The following ATAD1 variants were observed in gnomAD, a reference collection of about 807,000 sequenced individuals.
ATAD1 encodes ATPase family AAA domain containing 1, also known as outer mitochondrial transmembrane helix translocase.
ATAD1 carries 18 observed loss-of-function variants against 42.7 expected under a neutral mutation model. The observed-to-expected ratio is 0.42, with a 90% confidence interval of 0.29 to 0.63. ATAD1 has a LOEUF of 0.63. Ranked by LOEUF, ATAD1 falls within the 20% of genes least tolerant of loss-of-function variation. ATAD1 has a pLI of 0.19. For missense variants in ATAD1, 294 were observed against 440.4 expected (o/e 0.67, Z 2.98); for synonymous variants, 132 against 143.1 (o/e 0.92, Z 0.55).
intron 1 of ATAD1, among the ~76,000 whole-genome samples, chr10:87,817,109 C>T (rs1280342660): frequency 6.6e-6 from 1 of 152,158 alleles, no homozygotes; most frequent in Non-Finnish European, 1.5e-5. Flanking sequence ...TAGTAGTCTA[C>T]CTTTTTAAAT....
intron 2 of ATAD1, among the ~76,000 whole-genome samples, chr10:87,808,252 A>T (rs949346298): frequency 1.3e-5 from 2 of 151,960 alleles, no homozygotes; most frequent in African/African-American, 4.8e-5. Flanking sequence ...TTTTTGACTT[A>T]GGCAGTGGCT....
upstream of ATAD1, chr10:87,819,285 A>AAAAAAC (rs1857576735): frequency 1.3e-5 from 2 of 150,630 alleles, no homozygotes. Flanking sequence ...AAAAAAAAAA[A>AAAAAAC]AAAAAACCAC....
chr10:87,753,446 A>G lies in ATAD1; in HGVS notation c.*1241T>C, dbSNP rs758503137. 1 of 152,226 alleles carries G rather than the reference A, an allele frequency of 6.6e-6. No individual in the cohort carries two copies. Among genetic ancestry groups the G allele is most frequent in the Non-Finnish European group, 1.5e-5 (1 of 68,028 alleles). 9.4% of individuals were successfully genotyped at this position (152,226 alleles called of 1,614,324 possible). On this transcript the variant is annotated 3_prime_UTR_variant, in exon 10 of 10. Coordinates refer to ENST00000680024, the MANE Select transcript of ATAD1 (RefSeq NM_001321967.2). ...GCATAATTTAATCTGATGATTCAGAAGGCACCTCAAGATTGTGTTGTGCCG... is the reference window on the plus strand; with the variant it reads ...GCATAATTTAATCTGATGATTCAGAGGGCACCTCAAGATTGTGTTGTGCCG...
At chr10:87,838,217 A>G (rs1021042522) in intron 1 of ATAD1, among the ~76,000 whole-genome samples, 6 of 152,110 alleles carry the variant, frequency 3.9e-5, no homozygotes, top group Admixed American at 1.3e-4. Flanking sequence ...TAGGTTTTAT[A>G]ACTATATTTA....
At chr10:87,762,952 G>A (rs1202715629) in intron 8 of ATAD1, among the ~76,000 whole-genome samples, 4 of 147,084 alleles carry the variant, frequency 2.7e-5, no homozygotes, top group South Asian at 2.2e-4. Context: ...GTGGTGGCGC[G>A]CGCCTATAAT....
chr10:87,809,859 TG>T (rs1201903897), intron 2 of ATAD1, among the ~76,000 whole-genome samples: 1 of 152,044 alleles, frequency 6.6e-6, no homozygotes, highest in Non-Finnish European at 1.5e-5. Flanking sequence ...TTGGCCAGGC[TG>T]GTCTCAAACT....
At chr10:87,772,960 A>C (rs184757931) in intron 6 of ATAD1, among the ~76,000 whole-genome samples, 5 of 152,298 alleles carry the variant, frequency 3.3e-5, no homozygotes, top group Admixed American at 1.3e-4. Flanking sequence ...CTTTTAAAAA[A>C]ATCTTTATTT....
At chr10:87,816,487 G>A (rs1483025130) in intron 1 of ATAD1, among the ~76,000 whole-genome samples, 5 of 151,930 alleles carry the variant, frequency 3.3e-5, no homozygotes, top group Non-Finnish European at 5.9e-5. Flanking sequence ...TATATATGAC[G>A]CCCACTATAT....
At chr10:87,790,140 A>T (rs1357127101) in intron 4 of ATAD1, among the ~76,000 whole-genome samples, 170 bp downstream of exon 4, 2 of 152,254 alleles carry the variant, frequency 1.3e-5, no homozygotes, top group Non-Finnish European at 2.9e-5. Flanking sequence ...GAAAAAGTTT[A>T]TCTCAATTTC....
At chr10:87,763,585 A>T (rs1854597712) in intron 8 of ATAD1, among the ~76,000 whole-genome samples, 1 of 152,134 alleles carries the variant, frequency 6.6e-6, no homozygotes, top group Non-Finnish European at 1.5e-5. Context: ...AGGTGGGAGG[A>T]TCACTTGAGC....
intron 8 of ATAD1, among the ~76,000 whole-genome samples, chr10:87,762,536 C>T (rs1854529101): frequency 6.6e-6 from 1 of 151,700 alleles, no homozygotes; most frequent in Non-Finnish European, 1.5e-5. Context: ...GCGATCTCGG[C>T]TCACTGCAAC....
At chr10:87,792,533 C>A in intron 3 of ATAD1, 124 bp downstream of exon 3, 1 of 675,770 alleles carries the variant, frequency 1.5e-6, no homozygotes, top group Non-Finnish European at 2.5e-6. Context: ...AACTATATGC[C>A]GAGTCTTATG....
intron 7 of ATAD1, among the ~76,000 whole-genome samples, chr10:87,769,276 C>T (rs977922646): frequency 6.6e-6 from 1 of 152,114 alleles, no homozygotes; most frequent in Admixed American, 6.6e-5. Context: ...ACCTTTTCAG[C>T]CTCCTCTCCA....
chr10:87,818,204 G>T lies in ATAD1; in HGVS notation c.-51C>A, dbSNP rs913500708. ...ACAGCAAGAGCAAGTGCCCTCAGCC[G>T]GCCTCACACAGGAAGGAAACGCAAC... is the stretch of plus-strand genomic sequence containing the variant. On this transcript the variant is annotated 5_prime_UTR_variant, in exon 1 of 10. Coordinates refer to ENST00000680024, the MANE Select transcript of ATAD1 (RefSeq NM_001321967.2). The T allele has an allele frequency of 3.0e-6, 3 of 985,460 alleles. No homozygotes were observed. The highest frequency in any genetic ancestry group is 5.2e-4 in the Middle Eastern group (1 of 1,936). 61.0% of individuals were successfully genotyped at this position (985,460 alleles called of 1,614,324 possible).
chr10:87,767,931 C>T (rs554299162), intron 7 of ATAD1, among the ~76,000 whole-genome samples: 1 of 152,246 alleles, frequency 6.6e-6, no homozygotes, highest in African/African-American at 2.4e-5. Context: ...TTCTTACTCT[C>T]ATCCCCAGTG....
At chr10:87,778,522 T>C (rs1160959802) in intron 5 of ATAD1, among the ~76,000 whole-genome samples, 1 of 152,168 alleles carries the variant, frequency 6.6e-6, no homozygotes, top group African/African-American at 2.4e-5. Flanking sequence ...GATATATACC[T>C]TATACACATA....
chr10:87,784,479 C>T lies in ATAD1; in HGVS notation c.574G>A (p.Asp192Asn), dbSNP rs774494452. 6.2e-7 allele frequency: 1 copy of T among 1,613,124 alleles called. No individual in the cohort carries two copies. The highest frequency in any genetic ancestry group is 8.5e-7 in the Non-Finnish European group (1 of 1,179,500). Residue 192 changes from aspartate (D) to asparagine (N), a missense_variant, in exon 5 of 10, where the codon GAT becomes AAT. Physicochemically the swap from Asp to Asn is conservative, Grantham distance 23. Around this residue, in one of 3 missense-constraint regions of ATAD1, gnomAD observed 31 missense variants for 78.6 expected, o/e 0.39. Coordinates refer to ENST00000680024, the MANE Select transcript of ATAD1 (RefSeq NM_001321967.2). Reference sequence around the variant, plus strand: ...AGAAAACATAGCATACCTATTTCATCTATAAAGATGATGGATGGTTGTAGC... The same window carrying T: ...AGAAAACATAGCATACCTATTTCATTTATAAAGATGATGGATGGTTGTAGC... The part of the protein sequence containing the change: ...IKLQPSIIFI[D>N]EIDSFLRNRS...
intron 1 of ATAD1, among the ~76,000 whole-genome samples, chr10:87,826,166 C>T (rs537798090): frequency 3.8e-4 from 58 of 152,168 alleles, no homozygotes; most frequent in African/African-American, 1.3e-3. Flanking sequence ...GCAGCAGCAA[C>T]AACAACAACA....
At chr10:87,800,424 T>C (rs1170023299) in intron 2 of ATAD1, among the ~76,000 whole-genome samples, 2 of 152,170 alleles carry the variant, frequency 1.3e-5, no homozygotes, top group African/African-American at 2.4e-5. Context: ...CTGTTTGTTA[T>C]GGCCTGATGC....
Sources: gnomAD v4.1 joint callset for allele counts (sites outside exome capture counted in the v4.1 genomes callset) on GRCh38, gnomAD v4.1.1 for gene constraint, gnomAD v4.1.1 regional missense constraint, MANE v1.5 for transcripts, NCBI Gene and HGNC (gene_info 2026-07-23, HGNC 2026-07-21) for gene names.